Variants in XDH observed in about 807,000 individuals in gnomAD.
The protein encoded by XDH is xanthine dehydrogenase, also known as xanthine dehydrogenase/oxidase.
In XDH, 138 loss-of-function variants were observed where a neutral mutation model predicts 156.1. The ratio of observed to expected loss-of-function variants is 0.88; its 90% CI spans 0.77 to 1.02. XDH has a LOEUF of 1.02. XDH is among the 50% of genes least tolerant of loss of function. The pLI is 0.00. For synonymous variants in XDH, 669 were observed against 625.7 expected (o/e 1.07, Z -1.03); for missense variants, 1,849 against 1,684.9 (o/e 1.10, Z -1.71).
rs754540502 is a variant in XDH at position 31,348,373 on chromosome 2, G to C, written c.3052-10C>G. ...GAAGTAGGGCTCCTGCCTAGGGAAA[G>C]AGAAGGATGCCAGACACAAAATTCA... On this transcript the variant is annotated splice_polypyrimidine_tract_variant and intron_variant, in intron 27 of 35. Coordinates refer to ENST00000379416, the MANE Select transcript of XDH (RefSeq NM_000379.4). 6.2e-7 allele frequency: 1 copy of C among 1,613,684 alleles called. No homozygotes were observed. The highest frequency in any genetic ancestry group is 2.2e-5 in the East Asian group (1 of 44,874).
chr2:31,365,920 G>A, intron 22 of XDH, 56 bp downstream of exon 22: 2 of 1,613,332 alleles, frequency 1.2e-6, no homozygotes, highest in Non-Finnish European at 1.7e-6. Flanking sequence ...TCCTGGCACA[G>A]ACAGCCTTAT....
At chr2:31,385,071 C>A (rs1200283364) in intron 9 of XDH, among the ~76,000 whole-genome samples, 2 of 152,084 alleles carry the variant, frequency 1.3e-5, no homozygotes, top group African/African-American at 4.8e-5. Context: ...AGGGAGCATG[C>A]AAGTGTGAAA....
intron 13 of XDH, among the ~76,000 whole-genome samples, chr2:31,378,968 C>T (rs1686354579): frequency 6.6e-6 from 1 of 152,148 alleles, no homozygotes; most frequent in Non-Finnish European, 1.5e-5. Flanking sequence ...GATATAAATG[C>T]TCTAATTTAA....
In XDH at chr2:31,375,401, C is replaced by T. The variant is rs138859065; in HGVS notation, c.1581G>A (p.Leu527=). The part of the protein sequence containing the change: ...FKFYLTVLQK[L]GQENLEDKCG... ...TCACGTCTTCCAGGTTCTCTTGGCC[C>T]AGCTTCTGAAGGACTGTCAGGTAGA... Residue 527 remains leucine (L), a synonymous_variant, in exon 15 of 36, where the codon CTG becomes CTA. Transcript: ENST00000379416. The T allele has an allele frequency of 2.8e-5, 46 of 1,614,064 alleles. No individual in the cohort carries two copies. The highest frequency in any genetic ancestry group is 3.8e-5 in the Non-Finnish European group (45 of 1,180,052).
At position 31,372,395 on chromosome 2, in the gene XDH, C is replaced by T. The variant is rs760458514; in HGVS notation, c.1689G>A (p.Glu563=). 1 of 1,614,038 alleles carries T rather than the reference C, an allele frequency of 6.2e-7. No homozygotes were observed. Among genetic ancestry groups the T allele is most frequent in the Non-Finnish European group, 8.5e-7 (1 of 1,180,048 alleles). The change falls in exon 17 of 36, where the codon GAG becomes GAA. Residue 563 remains glutamate (E), a splice_region_variant and synonymous_variant. Coordinates refer to ENST00000379416, the MANE Select transcript of XDH (RefSeq NM_000379.4). ...CCTCCTCAGACTGACCCTTGGGCAC[C>T]TCCTGGAATGACAGGGTCATCAATC... is the stretch of plus-strand genomic sequence containing the variant. ...DPPADVQLFQ[E]VPKGQSEEDM...
intron 13 of XDH, among the ~76,000 whole-genome samples, chr2:31,378,718 C>G (rs1428255518): frequency 6.6e-6 from 1 of 152,156 alleles, no homozygotes; most frequent in African/African-American, 2.4e-5. Context: ...AATACCCTTT[C>G]TTGAGAGTTT....
rs188819469 is a variant in XDH at position 31,388,812 on chromosome 2, C to T, written c.496-517G>A. Among the ~76,000 whole-genome samples the T allele has an allele frequency of 6.6e-5, 10 of 152,308 alleles. No individual in the cohort carries two copies. In the East Asian group the frequency reaches 1.9e-3, roughly 29 times the overall value. ...GTCCAGCCAGTGTGCCCAATGGCCT[C>T]CCTACTGCTTATTAGGCACTTCTTC... On this transcript the variant is annotated intron_variant, in intron 6 of 35. Transcript: ENST00000379416.
At chr2:31,377,474 GA>G (rs1686275890) in intron 13 of XDH, among the ~76,000 whole-genome samples, 1 of 152,156 alleles carries the variant, frequency 6.6e-6, no homozygotes, top group Non-Finnish European at 1.5e-5. Flanking sequence ...CTGCTAGTCA[GA>G]AAAGCTGAGG....
chr2:31,376,102 A>G (rs575241181), intron 14 of XDH, among the ~76,000 whole-genome samples: 1 of 152,256 alleles, frequency 6.6e-6, no homozygotes, highest in Non-Finnish European at 1.5e-5. Flanking sequence ...TAGAAATAGT[A>G]ATAGTAGTAG....
intron 17 of XDH, 59 bp downstream of exon 17, chr2:31,372,169 G>T: frequency 6.2e-7 from 1 of 1,612,838 alleles, no homozygotes; most frequent in South Asian, 1.1e-5. Context: ...AAGTCTCCTG[G>T]GTACTCCCAG....
chr2:31,400,000 C>G (rs552741145), intron 4 of XDH, among the ~76,000 whole-genome samples: 1 of 152,270 alleles, frequency 6.6e-6, no homozygotes, highest in Non-Finnish European at 1.5e-5. Flanking sequence ...AACCCTCTCA[C>G]GTCTCCTTCA....
At chr2:31,383,623 C>T (rs1390286084) in intron 10 of XDH, 132 bp downstream of exon 10, 25 of 853,102 alleles carry the variant, frequency 2.9e-5, no homozygotes, top group Non-Finnish European at 4.2e-5. Flanking sequence ...TTTCCCTGTG[C>T]AAGGTGAGCC....
Position 31,383,824 on chromosome 2 carries a change from T to A in XDH, c.817A>T (p.Met273Leu). ...EIGIEMKFKN[M>L]LFPMIVCPAW... ...GGGCAGACAATCATAGGAAACAGCA[T>A]ATTCTTGAACTTCATCTCAATGCCT... The change falls in exon 10 of 36, where the codon ATG becomes TTG. Residue 273 changes from methionine (M) to leucine (L), a missense_variant. Physicochemically the swap from Met to Leu is conservative, Grantham distance 15 (BLOSUM62 2). Coordinates refer to ENST00000379416, the MANE Select transcript of XDH (RefSeq NM_000379.4). 1 of 1,614,096 alleles carries A rather than the reference T, an allele frequency of 6.2e-7. No individual in the cohort carries two copies. Among genetic ancestry groups the A allele is most frequent in the Non-Finnish European group, 8.5e-7 (1 of 1,180,016 alleles).
Position 31,339,493 on chromosome 2 carries a change from G to A in XDH, c.3770C>T (p.Ser1257Leu), listed in dbSNP as rs1203328971. ...ACAGAGCCAGAGCAATGGTACCTTC[G>A]ATGCATAGATGGCCTTCTTGTTGGG... ...DCPNKKAIYA[S>L]KAVGEPPLFL... The change falls in exon 34 of 36, where the codon TCG becomes TTG. Residue 1257 changes from serine (S) to leucine (L), a missense_variant. Ser to Leu is a moderately radical substitution (Grantham distance 145). Transcript: ENST00000379416. 12 of 1,613,906 alleles carry A rather than the reference G, an allele frequency of 7.4e-6. No homozygotes were observed. Among genetic ancestry groups the A allele is most frequent in the African/African-American group, 1.3e-5 (1 of 74,926 alleles).
chr2:31,405,783 A>T, intron 2 of XDH, 124 bp downstream of exon 2: 3 of 1,041,858 alleles, frequency 2.9e-6, no homozygotes, highest in Non-Finnish European at 4.5e-6. Context: ...CCAAGTCCTA[A>T]TCCAGTGCTC....
chr2:31,394,219 T>C (rs1686845241), intron 6 of XDH, among the ~76,000 whole-genome samples: 1 of 152,220 alleles, frequency 6.6e-6, no homozygotes, highest in African/African-American at 2.4e-5. Flanking sequence ...ATGGGTCTAC[T>C]GGCAACAAAT....
In XDH at chr2:31,349,949, TG is replaced by T. The variant is rs200895769; in HGVS notation, c.2823+82del. On this transcript the variant is annotated intron_variant, in intron 25 of 35. Coordinates refer to ENST00000379416, the MANE Select transcript of XDH (RefSeq NM_000379.4). The stretch of plus-strand genomic sequence containing the variant: ...AGCCCCTGCCTGTCATCTGCCCCCA[TG>T]GGAGATGCCCAAGATACAAAGCCGC... 8.9e-4 allele frequency: 1,428 copies of T among 1,611,054 alleles called. 8 individuals are homozygous for T. In the African/African-American group the frequency reaches 0.017, roughly 20 times the overall value.
rs1481925516 is a variant in XDH, at chr2:31,368,523, C to T, written c.2100+18G>A. ...CGGGGAGCTCACTCCTCTACACAGGCAGCCCATTCTCAGTTACCTCAATTG... is the reference window on the plus strand; with the variant it reads ...CGGGGAGCTCACTCCTCTACACAGGTAGCCCATTCTCAGTTACCTCAATTG... On this transcript the variant is annotated intron_variant, in intron 19 of 35. Coordinates refer to ENST00000379416, the MANE Select transcript of XDH (RefSeq NM_000379.4). 6.2e-7 allele frequency: 1 copy of T among 1,607,324 alleles called. No homozygotes were observed.
intron 9 of XDH, among the ~76,000 whole-genome samples, chr2:31,385,418 A>G (rs945091538): frequency 1.3e-5 from 2 of 152,124 alleles, no homozygotes; most frequent in Admixed American, 6.5e-5. Context: ...TTCTGACTCC[A>G]TCAGCACTGA....
Sources: gnomAD v4.1 joint callset for allele counts (sites outside exome capture counted in the v4.1 genomes callset) on GRCh38, gnomAD v4.1.1 for gene constraint, MANE v1.5 for transcripts, NCBI Gene and HGNC (gene_info 2026-07-23, HGNC 2026-07-21) for gene names.